SMIM35: variants seen among roughly 807,000 people sequenced by gnomAD.
The protein encoded by SMIM35 is small integral membrane protein 35.
intron 1 of SMIM35, among the ~76,000 whole-genome samples, chr11:118,082,191 C>A (rs1251533227): frequency 6.6e-6 from 1 of 152,222 alleles, no homozygotes; most frequent in Non-Finnish European, 1.5e-5. Flanking sequence ...CTTTGAGAAG[C>A]ACTTTCACAT....
chr11:118,082,601 G>A (rs990651770), intron 1 of SMIM35, among the ~76,000 whole-genome samples: 1 of 151,792 alleles, frequency 6.6e-6, no homozygotes, highest in Non-Finnish European at 1.5e-5. Flanking sequence ...GCTCAAAGAG[G>A]TTCATGACTT....
chr11:118,079,503 C>CG (rs1944963892), intron 1 of SMIM35, among the ~76,000 whole-genome samples: 1 of 152,214 alleles, frequency 6.6e-6, no homozygotes, highest in Admixed American at 6.5e-5. Context: ...GTGTCCCATG[C>CG]TAACTACTCC....
At chr11:118,049,422 C>T (rs1404103665) in intron 1 of SMIM35, among the ~76,000 whole-genome samples, 1 of 141,480 alleles carries the variant, frequency 7.1e-6, no homozygotes, top group African/African-American at 2.7e-5. Context: ...GATCTCTGCT[C>T]ACTGCAACCT....
At position 118,005,118 on chromosome 11, in the gene SMIM35, C is replaced by T. The variant is rs2058114836; in HGVS notation, c.*1292G>A. 6.6e-6 allele frequency: 1 copy of T among 152,200 alleles called. No homozygotes were observed. Among genetic ancestry groups the T allele is most frequent in the Admixed American group, 6.5e-5 (1 of 15,274 alleles). The allele number at this position is 152,200 out of a possible 1,614,324, so 9.4% of individuals were successfully genotyped here. ...CCCTTGCCCTCCACCTCCCCACATCCCCTCTACCTGTCCCCTAAGGCAGAG... is the reference window on the plus strand; with the variant it reads ...CCCTTGCCCTCCACCTCCCCACATCTCCTCTACCTGTCCCCTAAGGCAGAG... On this transcript the variant is annotated 3_prime_UTR_variant, in exon 5 of 5. Coordinates refer to ENST00000689828, the MANE Select transcript of SMIM35 (RefSeq NM_001394165.1).
intron 1 of SMIM35, among the ~76,000 whole-genome samples, chr11:118,029,195 C>T (rs2058298177): frequency 6.6e-6 from 1 of 152,178 alleles, no homozygotes; most frequent in Non-Finnish European, 1.5e-5. Context: ...AGGGCAGTGG[C>T]TTACACCTAT....
intron 1 of SMIM35, among the ~76,000 whole-genome samples, chr11:118,021,826 A>G (rs1281531877): frequency 6.6e-6 from 1 of 152,206 alleles, no homozygotes; most frequent in African/African-American, 2.4e-5. Context: ...AATTATTATT[A>G]GAGAATTCAA....
intron 4 of SMIM35, among the ~76,000 whole-genome samples, chr11:118,011,901 G>T (rs1362321080): frequency 6.6e-6 from 1 of 152,184 alleles, no homozygotes; most frequent in Non-Finnish European, 1.5e-5. Flanking sequence ...AGAAGACTCA[G>T]TTGAAGACCT....
intron 1 of SMIM35, among the ~76,000 whole-genome samples, chr11:118,032,857 G>A (rs1230869248): frequency 6.6e-6 from 1 of 152,130 alleles, no homozygotes; most frequent in Non-Finnish European, 1.5e-5. Context: ...GCAGTGAGCC[G>A]ATACCATGCC....
intron 4 of SMIM35, among the ~76,000 whole-genome samples, chr11:118,010,235 G>A (rs1415510081): frequency 6.6e-6 from 1 of 152,182 alleles, no homozygotes; most frequent in Non-Finnish European, 1.5e-5. Flanking sequence ...CCTACTTTGA[G>A]TTTCTCAGAC....
chr11:118,054,514 C>G (rs1944279433), intron 1 of SMIM35, among the ~76,000 whole-genome samples: 1 of 152,140 alleles, frequency 6.6e-6, no homozygotes, highest in Non-Finnish European at 1.5e-5. Flanking sequence ...AAGCTGGGTG[C>G]ACACAAGTAA....
chr11:118,050,648 C>T (rs768947076), intron 1 of SMIM35, among the ~76,000 whole-genome samples: 8 of 152,338 alleles, frequency 5.3e-5, no homozygotes, highest in Non-Finnish European at 8.8e-5. Flanking sequence ...CTCTTCTAGC[C>T]CCCACCCTTG....
chr11:118,020,539 G>A (rs564077408), intron 1 of SMIM35, among the ~76,000 whole-genome samples: 1 of 152,224 alleles, frequency 6.6e-6, no homozygotes, highest in Middle Eastern at 3.4e-3. Context: ...CATTTATTTT[G>A]GGTCATCTTT....
chr11:118,071,113 G>A (rs750626730), intron 1 of SMIM35, among the ~76,000 whole-genome samples: 2 of 152,198 alleles, frequency 1.3e-5, no homozygotes, highest in South Asian at 2.1e-4. Flanking sequence ...TTTCCTTACC[G>A]TGTGTGGCTT....
chr11:118,019,122 T>G (rs1193061139), intron 1 of SMIM35, among the ~76,000 whole-genome samples: 1 of 152,192 alleles, frequency 6.6e-6, no homozygotes, highest in Non-Finnish European at 1.5e-5. Flanking sequence ...TATATATCTA[T>G]GTAGATATAG....
intron 4 of SMIM35, 90 bp downstream of exon 4, chr11:118,013,658 G>T (rs1010843598): frequency 5.1e-6 from 2 of 395,284 alleles, no homozygotes; most frequent in African/African-American, 2.1e-5. Flanking sequence ...GTTCCAAGTG[G>T]TCCTTGGTGC....
rs1408266542 is a variant in SMIM35, at chr11:118,058,035, G to T, written c.7+28716C>A. 3.3e-5 allele frequency among the ~76,000 whole-genome samples: 5 copies of T among 152,324 alleles called. No homozygotes were observed. In the East Asian group the frequency reaches 9.6e-4, roughly 29 times the overall value. On this transcript the variant is annotated intron_variant, in intron 1 of 4. Transcript: ENST00000689828. The stretch of plus-strand genomic sequence containing the variant: ...CAGGGTAGGGTAACCGCAGGCAGGG[G>T]ATTAAACTCTGTTGACCCTGTGACC...
At chr11:118,082,899 C>A (rs1365982657) in intron 1 of SMIM35, among the ~76,000 whole-genome samples, 1 of 152,166 alleles carries the variant, frequency 6.6e-6, no homozygotes, top group African/African-American at 2.4e-5. Context: ...GTCTTCTCGG[C>A]GAGTGGGTTC....
rs147067418 is a variant in SMIM35 at position 118,058,653 on chromosome 11, G to T, written c.7+28098C>A. Among the ~76,000 whole-genome samples, 38 of 152,306 alleles carry T rather than the reference G, an allele frequency of 2.5e-4. No homozygotes were observed. The East Asian group carries it at 7.3e-3, about 29-fold the overall frequency. Reference sequence around the variant, plus strand: ...CAGGTGCCTCTCTATCAAAGGAGGGGCAGTGCAGACTGGGAACCAAAAACC... The same window carrying T: ...CAGGTGCCTCTCTATCAAAGGAGGGTCAGTGCAGACTGGGAACCAAAAACC... On this transcript the variant is annotated intron_variant, in intron 1 of 4. Transcript: ENST00000689828.
At chr11:118,033,209 C>T (rs1210500146) in intron 1 of SMIM35, among the ~76,000 whole-genome samples, 1 of 152,088 alleles carries the variant, frequency 6.6e-6, no homozygotes, top group African/African-American at 2.4e-5. Context: ...TCTTGATTAG[C>T]GATTAACAAG....
Sources: allele counts gnomAD v4.1 joint callset (sites outside exome capture counted in the v4.1 genomes callset), GRCh38; gene constraint gnomAD v4.1.1; transcripts MANE v1.5; gene names NCBI Gene and HGNC (gene_info 2026-07-23, HGNC 2026-07-21).